HK1: variants seen among roughly 807,000 people sequenced by gnomAD.
The protein encoded by HK1 is hexokinase 1, also known as hexokinase-1.
In HK1, 28 loss-of-function variants were observed where a neutral mutation model predicts 91.6. The observed-to-expected ratio is 0.31, with a 90% CI of 0.23 to 0.42. The LOEUF (loss-of-function observed/expected upper bound fraction) is 0.42. Ranked by LOEUF, HK1 falls within the 10% of genes least tolerant of loss-of-function variation. The pLI is 1.00. For missense variants in HK1, 770 were observed against 1,219.8 expected (o/e 0.63, Z 5.49); for synonymous variants, 430 against 468.1 (o/e 0.92, Z 1.05).
intron 4 of HK1, among the ~76,000 whole-genome samples, chr10:69,367,525 G>T (rs1849770247): frequency 6.6e-6 from 1 of 152,222 alleles, no homozygotes; most frequent in Admixed American, 6.5e-5. Context: ...TGCTTGAGAG[G>T]AGGCAGATAG....
At chr10:69,285,883 C>A (rs1845006501) in intron 2 of HK1, among the ~76,000 whole-genome samples, 1 of 152,168 alleles carries the variant, frequency 6.6e-6, no homozygotes, top group Admixed American at 6.5e-5. Context: ...ATGCCCTGGG[C>A]CAGTCCCAAG....
At chr10:69,322,990 G>A (rs1025388704) in intron 1 of HK1, among the ~76,000 whole-genome samples, 1 of 151,968 alleles carries the variant, frequency 6.6e-6, no homozygotes. Context: ...GCTCATGCCT[G>A]TAATCCCAGC....
intron 1 of HK1, among the ~76,000 whole-genome samples, chr10:69,275,355 T>C (rs1235110051): frequency 2.0e-5 from 3 of 151,758 alleles, no homozygotes; most frequent in Non-Finnish European, 4.4e-5. Context: ...ACCCCATCTC[T>C]ACTAGATTAA....
chr10:69,277,733 A>G (rs1440020374), intron 1 of HK1, among the ~76,000 whole-genome samples: 1 of 152,152 alleles, frequency 6.6e-6, no homozygotes, highest in Non-Finnish European at 1.5e-5. Flanking sequence ...CTGAGTGCTG[A>G]TAAAAGTGGT....
At chr10:69,275,851 A>C (rs1025306430) in intron 1 of HK1, among the ~76,000 whole-genome samples, 3 of 151,824 alleles carry the variant, frequency 2.0e-5, no homozygotes, top group Admixed American at 2.0e-4. Flanking sequence ...GCACTTTGGG[A>C]GGCCGAGGCA....
At chr10:69,270,631 C>A (rs1490179441) in intron 1 of HK1, among the ~76,000 whole-genome samples, 4 of 151,620 alleles carry the variant, frequency 2.6e-5, no homozygotes, top group Admixed American at 2.6e-4. Context: ...CATTTTCTAA[C>A]CTTTAAGTGT....
At chr10:69,333,477 C>T (rs1847832227) in intron 1 of HK1, among the ~76,000 whole-genome samples, 1 of 152,098 alleles carries the variant, frequency 6.6e-6, no homozygotes, top group African/African-American at 2.4e-5. Flanking sequence ...TGGGGGCCTG[C>T]TTTATTTTTA....
chr10:69,293,035 T>C (rs1845369333), intron 3 of HK1, among the ~76,000 whole-genome samples: 1 of 152,212 alleles, frequency 6.6e-6, no homozygotes, highest in Non-Finnish European at 1.5e-5. Flanking sequence ...CAAGACTGAT[T>C]TGGCCTCCAC....
At chr10:69,292,449 G>A (rs999207377) in intron 3 of HK1, 8 of 348,246 alleles carry the variant, frequency 2.3e-5, no homozygotes, top group African/African-American at 4.4e-5. Flanking sequence ...ATACACACAT[G>A]GATTACCCCT....
intron 3 of HK1, among the ~76,000 whole-genome samples, chr10:69,293,180 A>G (rs959110181): frequency 6.6e-6 from 1 of 152,036 alleles, no homozygotes; most frequent in African/African-American, 2.4e-5. Context: ...ACGTTTATCA[A>G]CTCTGTGCTC....
At position 69,377,049 on chromosome 10, in the gene HK1, C is replaced by T. The variant is rs760487849; in HGVS notation, c.991C>T (p.Arg331Ter). Residue 331 changes from arginine to a stop codon, truncating the protein, a stop_gained, in exon 8 of 18, where the codon CGA (arginine) becomes TGA (stop). Transcript: ENST00000359426. LOFTEE classifies it high-confidence loss of function. Reference protein sequence around the residue: ...EGRITPELLTRGKFNTSDVSA... With the variant: ...EGRITPELLT Reference sequence around the variant, plus strand: ...GCGGATCACCCCGGAGCTGCTCACCCGAGGGAAGTTTAACACCAGTGATGT... The same window carrying T: ...GCGGATCACCCCGGAGCTGCTCACCTGAGGGAAGTTTAACACCAGTGATGT... The T allele has an allele frequency of 3.1e-6, 5 of 1,614,120 alleles. No homozygotes were observed. Among genetic ancestry groups the T allele is most frequent in the East Asian group, 2.2e-5 (1 of 44,886 alleles).
At chr10:69,319,154 T>G in intron 1 of HK1, 144 bp downstream of exon 1, 1 of 977,308 alleles carries the variant, frequency 1.0e-6, no homozygotes, top group South Asian at 1.4e-5. Context: ...AAGGAAAGCC[T>G]TCGCCTTCGA....
intron 8 of HK1, among the ~76,000 whole-genome samples, chr10:69,378,666 C>T (rs1314056722): frequency 2.0e-5 from 3 of 152,138 alleles, no homozygotes; most frequent in Non-Finnish European, 2.9e-5. Flanking sequence ...GTGACCCTCC[C>T]ACTTTGGCCT....
rs778772199 is a variant in HK1 at position 69,368,519 on chromosome 10, T to C, written c.496-17T>C. 6.2e-7 allele frequency: 1 copy of C among 1,610,816 alleles called. No homozygotes were observed. On this transcript the variant is annotated splice_polypyrimidine_tract_variant and intron_variant, in intron 4 of 17. Transcript: ENST00000359426. ...GCCTCCCAGCCCTCATCCAGCCCCA[T>C]CCATTCTTCTTTGCAGGCCATCCTG...
At chr10:69,310,345 C>T (rs2132533024) in intron 5 of HK1, among the ~76,000 whole-genome samples, 1 of 149,010 alleles carries the variant, frequency 6.7e-6, no homozygotes, top group East Asian at 2.0e-4. Flanking sequence ...CGCCTGAACC[C>T]ATCAGGCAGA....
At chr10:69,397,394 A>G (rs931495275) in intron 16 of HK1, among the ~76,000 whole-genome samples, 4 of 152,250 alleles carry the variant, frequency 2.6e-5, no homozygotes, top group African/African-American at 7.2e-5. Flanking sequence ...TAGCAAAGAA[A>G]GAAATCATAA....
At chr10:69,398,506 TG>T in intron 16 of HK1, 88 bp from the exon 17 acceptor site, 1 of 904,538 alleles carries the variant, frequency 1.1e-6, no homozygotes, top group Non-Finnish European at 1.8e-6. Context: ...GTACAGTGAT[TG>T]GGGGCGGGGG....
At position 69,294,725 on chromosome 10, in the gene HK1, G is replaced by C; in HGVS notation, c.-114-908G>C. On this transcript the variant is annotated intron_variant, in intron 3 of 21. Transcript: ENST00000360289. ...ACAAAAAAAATAATTAGCCGGGTGT[G>C]GTGGCGGATGCCTGTAATCCCAACT... Among the ~76,000 whole-genome samples, 2 of 152,142 alleles carry C rather than the reference G, an allele frequency of 1.3e-5. 1 individual carries two copies. Among genetic ancestry groups the C allele is most frequent in the East Asian group, 3.9e-4 (2 of 5,194 alleles).
chr10:69,297,660 C>T lies in HK1; in HGVS notation c.-67+1980C>T, dbSNP rs547402357. On this transcript the variant is annotated intron_variant, in intron 4 of 21. Coordinates refer to the HK1 transcript ENST00000360289. ...CTGTAATCCCAGCACTTTGGAAGGC[C>T]GGGGTTGGCGTATCACCTGAGGTCG... 1.7e-3 allele frequency among the ~76,000 whole-genome samples: 258 copies of T among 148,504 alleles called. 10 individuals are homozygous for T. Among genetic ancestry groups the T allele is most frequent in the African/African-American group, 6.5e-3 (248 of 38,194 alleles).
Sources: allele counts gnomAD v4.1 joint callset (sites outside exome capture counted in the v4.1 genomes callset), GRCh38; gene constraint gnomAD v4.1.1; transcripts MANE v1.5; gene names NCBI Gene and HGNC (gene_info 2026-07-23, HGNC 2026-07-21).